MCC: variants seen among roughly 807,000 people sequenced by gnomAD.
MCC encodes the protein colorectal mutant cancer protein.
MCC carries 90 observed loss-of-function variants against 116.2 expected under a neutral mutation model. That is an observed-to-expected ratio of 0.77 (90% CI 0.65 to 0.92). The LOEUF is 0.92. Ranked by LOEUF, MCC falls within the 40% of genes least tolerant of loss-of-function variation. The probability of loss-of-function intolerance (pLI) is 0.00; values close to 1 mark genes in which losing one functional copy is unlikely to be tolerated. For synonymous variants in MCC, 578 were observed against 510.5 expected (o/e 1.13, Z -1.78); for missense variants, 1,516 against 1,312.2 (o/e 1.16, Z -2.40).
intron 3 of MCC, among the ~76,000 whole-genome samples, chr5:113,334,747 C>T (rs1767830202): frequency 6.6e-6 from 1 of 151,040 alleles, no homozygotes; most frequent in African/African-American, 2.5e-5. Flanking sequence ...CGCACCACCA[C>T]ACCCGGCTAA....
intron 17 of MCC, among the ~76,000 whole-genome samples, chr5:113,039,713 C>CG (rs1359226492): frequency 6.8e-6 from 1 of 146,560 alleles, no homozygotes; most frequent in African/African-American, 2.6e-5. Flanking sequence ...CACTCCGCGC[C>CG]CCCCCCCCCA....
At chr5:113,092,187 C>T (rs1166147106) in intron 8 of MCC, among the ~76,000 whole-genome samples, 4 of 151,994 alleles carry the variant, frequency 2.6e-5, no homozygotes, top group African/African-American at 9.7e-5. Context: ...CAAAAGGGAA[C>T]TGAGATGGGT....
chr5:113,233,291 A>G (rs1447102796), intron 3 of MCC, among the ~76,000 whole-genome samples: 1 of 152,234 alleles, frequency 6.6e-6, no homozygotes, highest in African/African-American at 2.4e-5. Context: ...ACCCATATTA[A>G]GGGCGGAAAG....
At chr5:113,061,335 C>T (rs951623289) in intron 14 of MCC, among the ~76,000 whole-genome samples, 6 of 152,204 alleles carry the variant, frequency 3.9e-5, no homozygotes, top group East Asian at 1.9e-4. Flanking sequence ...GGATTGAGAT[C>T]GATGACTACG....
chr5:113,217,833 G>C (rs543080306), intron 3 of MCC, among the ~76,000 whole-genome samples: 13 of 152,090 alleles, frequency 8.5e-5, no homozygotes, highest in South Asian at 2.1e-4. Context: ...CTAATCCCAG[G>C]AGACAAGAGA....
At chr5:113,202,762 T>A (rs966879624) in intron 3 of MCC, among the ~76,000 whole-genome samples, 4 of 144,168 alleles carry the variant, frequency 2.8e-5, no homozygotes, top group South Asian at 2.3e-4. Context: ...TCAGCCCCAA[T>A]GCAGATGAAA....
intron 11 of MCC, among the ~76,000 whole-genome samples, chr5:113,082,456 G>A (rs1023605385): frequency 1.3e-5 from 2 of 152,210 alleles, no homozygotes; most frequent in Non-Finnish European, 2.9e-5. Context: ...TGCAGCACAG[G>A]CCTGCATGCT....
At chr5:113,263,513 G>A (rs910276068) in intron 3 of MCC, among the ~76,000 whole-genome samples, 2 of 152,092 alleles carry the variant, frequency 1.3e-5, no homozygotes, top group African/African-American at 4.8e-5. Context: ...ATTAAAACAT[G>A]GCTCTTTCAA....
intron 3 of MCC, among the ~76,000 whole-genome samples, chr5:113,311,575 T>G (rs1011534304): frequency 6.6e-6 from 1 of 152,150 alleles, no homozygotes; most frequent in African/African-American, 2.4e-5. Context: ...CCCAAATACA[T>G]GAGCAATAAA....
At position 113,242,120 on chromosome 5, in the gene MCC, T is replaced by C. The variant is rs370725912; in HGVS notation, c.628-90698A>G. ...CCACATCATAGGCCATCTTTGGCAGTAGACCAATACTGCAAGGTATACCCA... is the reference window on the plus strand; with the variant it reads ...CCACATCATAGGCCATCTTTGGCAGCAGACCAATACTGCAAGGTATACCCA... On this transcript the variant is annotated intron_variant, in intron 3 of 18. Transcript: ENST00000408903. Among the ~76,000 whole-genome samples, 9 of 152,326 alleles carry C rather than the reference T, an allele frequency of 5.9e-5. No homozygotes were observed. In the East Asian group the frequency reaches 1.5e-3, roughly 26 times the overall value.
At chr5:113,369,096 A>G (rs1768773634) in intron 2 of MCC, among the ~76,000 whole-genome samples, 1 of 152,054 alleles carries the variant, frequency 6.6e-6, no homozygotes, top group Admixed American at 6.5e-5. Flanking sequence ...GCTATCCAGA[A>G]ACTCTCTGAA....
intron 3 of MCC, among the ~76,000 whole-genome samples, chr5:113,173,965 C>G (rs1413409207): frequency 6.6e-6 from 1 of 152,102 alleles, no homozygotes; most frequent in African/African-American, 2.4e-5. Flanking sequence ...TACATTACTG[C>G]AACAGCAACA....
intron 3 of MCC, among the ~76,000 whole-genome samples, chr5:113,248,309 T>C (rs191290646): frequency 6.7e-6 from 1 of 149,878 alleles, no homozygotes; most frequent in African/African-American, 2.4e-5. Flanking sequence ...TAGTACAGTA[T>C]TAAATGCCCA....
intron 2 of MCC, among the ~76,000 whole-genome samples, chr5:113,349,846 G>T (rs1322454760): frequency 1.3e-5 from 2 of 151,960 alleles, no homozygotes; most frequent in South Asian, 2.1e-4. Flanking sequence ...CAGTAAAGTT[G>T]CAGGATACAA....
intron 1 of MCC, among the ~76,000 whole-genome samples, chr5:113,457,004 C>A (rs570372286): frequency 6.6e-6 from 1 of 152,318 alleles, no homozygotes; most frequent in East Asian, 1.9e-4. Flanking sequence ...AGCCCTGGCT[C>A]GCTCTCACCG....
At chr5:113,367,398 T>A (rs1768722517) in intron 2 of MCC, among the ~76,000 whole-genome samples, 2 of 151,936 alleles carry the variant, frequency 1.3e-5, no homozygotes, top group African/African-American at 4.8e-5. Flanking sequence ...ATATATTCCA[T>A]CAAATTTAGT....
At position 113,071,113 on chromosome 5, in the gene MCC, T is replaced by A. The variant is rs933139821; in HGVS notation, c.1906A>T (p.Arg636Trp). The change falls in exon 12 of 19, where the codon AGG becomes TGG. Residue 636 changes from arginine (R) to tryptophan (W), a missense_variant. Arg to Trp is a moderately radical substitution (Grantham distance 101). Coordinates refer to ENST00000408903, the MANE Select transcript of MCC (RefSeq NM_001085377.2). ...GKYESNATALRLALQYSEQCI... is the reference protein window; with the variant it reads ...GKYESNATALWLALQYSEQCI... ...GCCTACCTGTACTGCAAGGCCAGCC[T>A]CAGCGCTGTGGCATTGGATTCGTAT... is the stretch of plus-strand genomic sequence containing the variant. The A allele has an allele frequency of 3.7e-6, 6 of 1,605,796 alleles. No individual in the cohort carries two copies. The highest frequency in any genetic ancestry group is 1.4e-5 in the African/African-American group (1 of 72,444).
intron 18 of MCC, among the ~76,000 whole-genome samples, chr5:113,028,536 G>A (rs907353302): frequency 6.6e-6 from 1 of 152,206 alleles, no homozygotes; most frequent in Admixed American, 6.5e-5. Context: ...CAGTCTTAGA[G>A]CAGTATTTCC....
intron 1 of MCC, among the ~76,000 whole-genome samples, chr5:113,476,112 T>C (rs1772227693): frequency 6.6e-6 from 1 of 152,196 alleles, no homozygotes; most frequent in Non-Finnish European, 1.5e-5. Context: ...TTACTAAAAA[T>C]GCACGTGAAC....
Sources: gnomAD v4.1 joint callset for allele counts (sites outside exome capture counted in the v4.1 genomes callset) on GRCh38, gnomAD v4.1.1 for gene constraint, MANE v1.5 for transcripts, NCBI Gene and HGNC (gene_info 2026-07-23, HGNC 2026-07-21) for gene names.